The following TMCO5A variants were observed in gnomAD, a reference collection of about 807,000 sequenced individuals.
The protein encoded by TMCO5A is transmembrane and coiled-coil domains 5A.
In TMCO5A, 34 loss-of-function variants were observed where a neutral mutation model predicts 42.3. The observed-to-expected ratio is 0.80, with a 90% CI of 0.61 to 1.07. The LOEUF is 1.07. Among genes scored for constraint, TMCO5A ranks in the 50% least tolerant of loss-of-function variants. The pLI is 0.00. For missense variants in TMCO5A, 357 were observed against 327.9 expected (o/e 1.09, Z -0.69); for synonymous variants, 131 against 115.6 (o/e 1.13, Z -0.86).
the TMCO5A span, among the ~76,000 whole-genome samples, chr15:38,007,532 C>G: frequency 6.6e-6 from 1 of 152,138 alleles, no homozygotes; most frequent in African/African-American, 2.4e-5. Context: ...CTGTACTTCT[C>G]AAAGCTACTG....
At chr15:37,941,841 C>A in intron 8 of TMCO5A, 111 bp downstream of exon 8, 1 of 892,792 alleles carries the variant, frequency 1.1e-6, no homozygotes, top group Non-Finnish European at 1.8e-6. Context: ...TTCAAGGTGG[C>A]ACTACTAGGA....
chr15:38,036,498 A>T, the TMCO5A span, among the ~76,000 whole-genome samples: 36 of 36,482 alleles, frequency 9.9e-4, no homozygotes, highest in East Asian at 7.6e-3. Flanking sequence ...TCTCTCTCTC[A>T]CACACACACA....
At chr15:37,954,655 A>T (rs1890239530), downstream of TMCO5A, among the ~76,000 whole-genome samples, 1 of 152,120 alleles carries the variant, frequency 6.6e-6, no homozygotes, top group South Asian at 2.1e-4. Flanking sequence ...AAAACACAAC[A>T]TTATAACATT....
the TMCO5A span, among the ~76,000 whole-genome samples, chr15:37,980,926 CT>C: frequency 6.6e-6 from 1 of 152,216 alleles, no homozygotes; most frequent in Admixed American, 6.5e-5. Flanking sequence ...TTTAAGAAAA[CT>C]TTTTTTAAAA....
chr15:37,960,057 C>T (rs1258342698), intron 11 of TMCO5A, among the ~76,000 whole-genome samples: 1 of 151,902 alleles, frequency 6.6e-6, no homozygotes, highest in Admixed American at 6.6e-5. Flanking sequence ...TATTTGGTCA[C>T]ATGAGTAAGT....
chr15:38,028,039 A>G, the TMCO5A span, among the ~76,000 whole-genome samples: 2 of 152,200 alleles, frequency 1.3e-5, no homozygotes, highest in African/African-American at 4.8e-5. Context: ...TGCATATAAT[A>G]GGTACTCAAT....
intron 11 of TMCO5A, among the ~76,000 whole-genome samples, chr15:37,960,393 A>G (rs1376381568): frequency 6.6e-6 from 1 of 152,128 alleles, no homozygotes; most frequent in African/African-American, 2.4e-5. Context: ...GTAGTATTCC[A>G]TCATATAAAT....
intron 11 of TMCO5A, among the ~76,000 whole-genome samples, chr15:37,966,435 A>T (rs540718394): frequency 2.4e-4 from 37 of 152,308 alleles, no homozygotes; most frequent in Non-Finnish European, 4.3e-4. Context: ...ACATCATTTT[A>T]CATGATGTGA....
At chr15:38,020,669 A>C in the TMCO5A span, 1 of 152,232 alleles carries the variant, frequency 6.6e-6, no homozygotes, top group African/African-American at 2.4e-5. Flanking sequence ...AATTATGGTA[A>C]TCATTGCACA....
the TMCO5A span, among the ~76,000 whole-genome samples, chr15:38,005,345 C>T: frequency 7.2e-6 from 1 of 138,196 alleles, no homozygotes; most frequent in Non-Finnish European, 1.5e-5. Flanking sequence ...GGAAGCTGAG[C>T]GCAGGTGTTT....
At chr15:38,023,116 G>A in the TMCO5A span, among the ~76,000 whole-genome samples, 2 of 152,064 alleles carry the variant, frequency 1.3e-5, no homozygotes, top group South Asian at 2.1e-4. Flanking sequence ...AGAAAAATTT[G>A]GGAAACAAAA....
downstream of TMCO5A, among the ~76,000 whole-genome samples, chr15:37,954,656 T>C (rs1007689184): frequency 6.6e-6 from 1 of 152,022 alleles, no homozygotes; most frequent in African/African-American, 2.4e-5. Flanking sequence ...AAACACAACA[T>C]TATAACATTG....
At chr15:37,955,337 T>A (rs954635931), downstream of TMCO5A, among the ~76,000 whole-genome samples, 1 of 148,028 alleles carries the variant, frequency 6.8e-6, no homozygotes. Context: ...AGTAATGAGA[T>A]CAAAGCTGTA....
the TMCO5A span, among the ~76,000 whole-genome samples, chr15:38,021,978 T>C: frequency 6.6e-6 from 1 of 151,884 alleles, no homozygotes; most frequent in Non-Finnish European, 1.5e-5. Flanking sequence ...TCCAGCTAAT[T>C]TTTTTGTATT....
At chr15:38,001,952 C>T in the TMCO5A span, among the ~76,000 whole-genome samples, 1 of 152,052 alleles carries the variant, frequency 6.6e-6, no homozygotes, top group African/African-American at 2.4e-5. Context: ...GAGTAGATTA[C>T]ACACCACAAT....
At chr15:37,938,549 C>T (rs1419431056) in intron 6 of TMCO5A, among the ~76,000 whole-genome samples, 2 of 152,020 alleles carry the variant, frequency 1.3e-5, no homozygotes, top group Non-Finnish European at 2.9e-5. Flanking sequence ...TAATTACTGC[C>T]TCTCAGCCTC....
the TMCO5A span, chr15:38,024,595 G>C: frequency 6.6e-6 from 1 of 152,254 alleles, no homozygotes; most frequent in Non-Finnish European, 1.5e-5. Context: ...AGGCCAGAGG[G>C]AAGGCAAAGG....
the TMCO5A span, among the ~76,000 whole-genome samples, chr15:37,977,778 G>C: frequency 6.6e-6 from 1 of 152,166 alleles, no homozygotes; most frequent in Admixed American, 6.5e-5. Context: ...AATGGCAAAA[G>C]GTCTTTCACT....
At chr15:37,985,515 T>C in the TMCO5A span, among the ~76,000 whole-genome samples, 2 of 152,226 alleles carry the variant, frequency 1.3e-5, no homozygotes, top group African/African-American at 4.8e-5. Context: ...TGGATAGCTA[T>C]AGAAAATGTT....
Sources: allele counts gnomAD v4.1 joint callset (sites outside exome capture counted in the v4.1 genomes callset), GRCh38; gene constraint gnomAD v4.1.1; transcripts MANE v1.5; gene names NCBI Gene and HGNC (gene_info 2026-07-23, HGNC 2026-07-21).